RALGAPB: variants seen among roughly 807,000 people sequenced by gnomAD.
RALGAPB encodes the protein ral GTPase-activating protein subunit beta.
Under a neutral mutation model 161.1 loss-of-function variants are expected in RALGAPB, and 25 were observed. The ratio of observed to expected loss-of-function variants is 0.16; its 90% confidence interval spans 0.11 to 0.22. The LOEUF (loss-of-function observed/expected upper bound fraction) is 0.22. Among genes scored for constraint, RALGAPB ranks in the 10% least tolerant of loss-of-function variants. The pLI, the probability that RALGAPB is intolerant of heterozygous loss-of-function variation, is 1.00. For missense variants in RALGAPB, 1,391 were observed against 1,815.2 expected (o/e 0.77, Z 4.25); for synonymous variants, 629 against 626.1 (o/e 1.00, Z -0.07).
At chr20:38,533,360 G>C (rs6100096) in intron 15 of RALGAPB, among the ~76,000 whole-genome samples, 17,902 of 152,156 alleles carry the variant, frequency 0.12, 2,892 homozygotes, top group African/African-American at 0.36. Flanking sequence ...GCCCTGCCAA[G>C]TAAAACATTT....
intron 2 of RALGAPB, among the ~76,000 whole-genome samples, chr20:38,490,571 A>G (rs1012517119): frequency 6.6e-6 from 1 of 150,502 alleles, no homozygotes; most frequent in African/African-American, 2.5e-5. Flanking sequence ...CAATGTCGCA[A>G]TCTTAGCTCA....
chr20:38,507,865 A>G (rs973417394), intron 5 of RALGAPB, among the ~76,000 whole-genome samples: 7 of 152,006 alleles, frequency 4.6e-5, no homozygotes, highest in African/African-American at 1.7e-4. Context: ...TTTTAAAAAT[A>G]TTGGTGATAT....
intron 22 of RALGAPB, among the ~76,000 whole-genome samples, chr20:38,556,566 A>G (rs2087593272): frequency 6.6e-6 from 1 of 152,162 alleles, no homozygotes; most frequent in East Asian, 1.9e-4. Context: ...ACAATGCAAA[A>G]ATGCCCCATT....
At position 38,526,059 on chromosome 20, in the gene RALGAPB, T is replaced by A; in HGVS notation, c.2050+17T>A. 6.2e-7 allele frequency: 1 copy of A among 1,612,960 alleles called. No homozygotes were observed. The highest frequency in any genetic ancestry group is 8.5e-7 in the Non-Finnish European group (1 of 1,179,608). ...TGATATTAGGTTTGTATTCACACGT[T>A]ATTTTGTAAGTGAAACCAAAGTACT... On this transcript the variant is annotated intron_variant, in intron 13 of 29. Transcript: ENST00000262879.
chr20:38,525,548 C>A, intron 12 of RALGAPB, 30 bp downstream of exon 12: 1 of 1,455,146 alleles, frequency 6.9e-7, no homozygotes, highest in Non-Finnish European at 9.6e-7. Flanking sequence ...TTTTTATATC[C>A]TATATTCTGT....
chr20:38,496,711 G>A (rs895772643), intron 3 of RALGAPB, among the ~76,000 whole-genome samples: 3 of 152,064 alleles, frequency 2.0e-5, no homozygotes, highest in African/African-American at 7.2e-5. Context: ...CTGTTGTTCC[G>A]GGGTATCCTG....
intron 19 of RALGAPB, chr20:38,547,172 C>G (rs1046032218): frequency 1.3e-5 from 2 of 152,212 alleles, no homozygotes; most frequent in African/African-American, 2.4e-5. Flanking sequence ...TTTCCCTCCC[C>G]CTCAGTTATA....
chr20:38,473,847 T>A (rs1411596385), intron 1 of RALGAPB, among the ~76,000 whole-genome samples: 1 of 152,206 alleles, frequency 6.6e-6, no homozygotes, highest in African/African-American at 2.4e-5. Context: ...TATTTTTTTT[T>A]TAAAGATGCC....
In RALGAPB at chr20:38,535,082, A is replaced by G; in HGVS notation, c.2254A>G (p.Thr752Ala). 1 of 1,614,000 alleles carries G rather than the reference A, an allele frequency of 6.2e-7. No homozygotes were observed. Among genetic ancestry groups the G allele is most frequent in the Non-Finnish European group, 8.5e-7 (1 of 1,179,872 alleles). The change falls in exon 16 of 30, where the codon ACA becomes GCA. Residue 752 changes from threonine to alanine, a missense_variant. Physicochemically the swap from Thr to Ala is moderately conservative, Grantham distance 58. Coordinates refer to ENST00000262879, the MANE Select transcript of RALGAPB (RefSeq NM_020336.4). ...TTGGGGTTATATCCTAGCTCTTAAT[A>G]CAGATTCAGCTGCTGGGCTCCTGAT... ...QALLRDYALNTDSAAGLLIRS... is the reference protein window; with the variant it reads ...QALLRDYALNADSAAGLLIRS...
At chr20:38,475,789 G>A (rs1162010467) in intron 1 of RALGAPB, among the ~76,000 whole-genome samples, 3 of 151,692 alleles carry the variant, frequency 2.0e-5, no homozygotes, top group African/African-American at 7.3e-5. Flanking sequence ...TAATTTTTTT[G>A]TATTTTTAGT....
intron 5 of RALGAPB, among the ~76,000 whole-genome samples, chr20:38,503,956 T>C (rs1383895088): frequency 6.6e-6 from 1 of 152,186 alleles, no homozygotes; most frequent in Admixed American, 6.5e-5. Flanking sequence ...AAACATTCCA[T>C]GTTCATGGAT....
chr20:38,558,842 T>G (rs998482591), intron 23 of RALGAPB, among the ~76,000 whole-genome samples: 1 of 152,204 alleles, frequency 6.6e-6, no homozygotes, highest in African/African-American at 2.4e-5. Flanking sequence ...TTCAAAGTGA[T>G]TACTTAGCTC....
At chr20:38,488,322 A>G (rs1600837152) in intron 1 of RALGAPB, 81 bp from the exon 2 acceptor site, 2 of 867,620 alleles carry the variant, frequency 2.3e-6, no homozygotes, top group Admixed American at 2.6e-5. Flanking sequence ...TATCATGCCA[A>G]TAGTCTATAC....
chr20:38,532,495 A>G (rs1407793237), intron 14 of RALGAPB, among the ~76,000 whole-genome samples: 2 of 152,236 alleles, frequency 1.3e-5, no homozygotes, highest in Non-Finnish European at 2.9e-5. Flanking sequence ...AAATAGTGGC[A>G]AAGAAGACCC....
At chr20:38,507,653 G>A (rs375324091) in intron 5 of RALGAPB, among the ~76,000 whole-genome samples, 72 of 152,032 alleles carry the variant, frequency 4.7e-4, no homozygotes, top group Middle Eastern at 3.4e-3. Context: ...TGCTGGGATT[G>A]GAGTGCAGGC....
At chr20:38,513,822 T>C (rs1008919507) in intron 6 of RALGAPB, among the ~76,000 whole-genome samples, 13 of 152,326 alleles carry the variant, frequency 8.5e-5, no homozygotes, top group Admixed American at 7.8e-4. Flanking sequence ...AAGAAAAGTT[T>C]TGCTTGGTTA....
Position 38,499,592 on chromosome 20 carries a change from G to A in RALGAPB, c.699G>A (p.Val233=). ...CTAACTGGAGGCATCACCCAGCAGT[G>A]GTGGAGCAGTGGAGCAAGGTCATTT... ...MVANWRHHPA[V]VEQWSKVICA... The change falls in exon 5 of 30, where the codon GTG becomes GTA. Residue 233 remains valine (V), a synonymous_variant. Transcript: ENST00000262879. 2 of 1,613,762 alleles carry A rather than the reference G, an allele frequency of 1.2e-6. No homozygotes were observed. The highest frequency in any genetic ancestry group is 1.3e-5 in the African/African-American group (1 of 74,988).
chr20:38,555,753 C>G (rs1205955389), intron 22 of RALGAPB, among the ~76,000 whole-genome samples: 1 of 152,114 alleles, frequency 6.6e-6, no homozygotes, highest in Non-Finnish European at 1.5e-5. Context: ...TGTATGAGAA[C>G]ATAGGAAAAA....
At chr20:38,481,037 C>T (rs1568895047) in intron 1 of RALGAPB, among the ~76,000 whole-genome samples, 1 of 151,972 alleles carries the variant, frequency 6.6e-6, no homozygotes, top group Non-Finnish European at 1.5e-5. Flanking sequence ...TACCCGGCCT[C>T]ATCTGCCCCT....
Sources: allele counts gnomAD v4.1 joint callset (sites outside exome capture counted in the v4.1 genomes callset), GRCh38; gene constraint gnomAD v4.1.1; transcripts MANE v1.5; gene names NCBI Gene and HGNC (gene_info 2026-07-23, HGNC 2026-07-21).